Variants in TANC1 observed in about 807,000 individuals in gnomAD.
TANC1 encodes protein TANC1.
Under a neutral mutation model 149.7 loss-of-function variants are expected in TANC1, and 77 were observed. The observed-to-expected ratio is 0.51, with a 90% CI of 0.43 to 0.62. TANC1 has a LOEUF of 0.62. TANC1 is among the 20% of genes least tolerant of loss of function. The pLI, the probability that TANC1 is intolerant of heterozygous loss-of-function variation, is 0.00. For missense variants in TANC1, 1,985 were observed against 2,321.8 expected (o/e 0.85, Z 2.98); for synonymous variants, 854 against 925.0 (o/e 0.92, Z 1.39).
intron 7 of TANC1, among the ~76,000 whole-genome samples, chr2:159,155,296 C>T (rs1232536632): frequency 6.6e-6 from 1 of 152,216 alleles, no homozygotes; most frequent in East Asian, 1.9e-4. Flanking sequence ...AGAAATCCTT[C>T]CTATCCATTA....
Position 159,136,788 on chromosome 2 carries a change from CAAA to C in TANC1, c.364+507_364+509del, listed in dbSNP as rs34488237. 1.3e-3 allele frequency among the ~76,000 whole-genome samples: 153 copies of C among 119,088 alleles called. 1 individual carries two copies. The highest frequency in any genetic ancestry group is 8.1e-3 in the East Asian group (34 of 4,206). The allele number at this position is 119,088 out of a possible 152,430, so 78.1% of individuals were successfully genotyped here. On this transcript the variant is annotated intron_variant, in intron 5 of 26. Transcript: ENST00000263635. ...TCTTTAGGGGATGTTGAAGTAGGAG[CAAA>C]AAAAAAAAAAAAAAAACCAAATTGA...
At chr2:159,152,999 A>C (rs542031675) in intron 7 of TANC1, among the ~76,000 whole-genome samples, 2 of 151,796 alleles carry the variant, frequency 1.3e-5, no homozygotes, top group Non-Finnish European at 2.9e-5. Context: ...CCCCTCTTAC[A>C]TGTTCCCCAT....
intron 1 of TANC1, among the ~76,000 whole-genome samples, chr2:158,995,632 G>A (rs2149300586): frequency 6.6e-6 from 1 of 152,216 alleles, no homozygotes; most frequent in South Asian, 2.1e-4. Context: ...CCAGACAGAG[G>A]GGCAGTCTTA....
intron 1 of TANC1, among the ~76,000 whole-genome samples, chr2:158,975,780 G>A (rs2149186119): frequency 6.6e-6 from 1 of 151,236 alleles, no homozygotes; most frequent in South Asian, 2.1e-4. Flanking sequence ...TAGAACCACT[G>A]TGACTCAGAA....
At chr2:159,030,401 C>A (rs1179278994) in intron 2 of TANC1, among the ~76,000 whole-genome samples, 1 of 152,136 alleles carries the variant, frequency 6.6e-6, no homozygotes, top group Non-Finnish European at 1.5e-5. Flanking sequence ...TTGTCTGGAT[C>A]TTTAAAGTAT....
At chr2:159,013,443 G>A (rs1157017133) in intron 2 of TANC1, among the ~76,000 whole-genome samples, 1 of 152,136 alleles carries the variant, frequency 6.6e-6, no homozygotes, top group Non-Finnish European at 1.5e-5. Flanking sequence ...TGTTGTTATT[G>A]TTGACTGATA....
chr2:159,039,336 T>TA (rs2040448904), intron 2 of TANC1, among the ~76,000 whole-genome samples: 1 of 152,208 alleles, frequency 6.6e-6, no homozygotes, highest in South Asian at 2.1e-4. Context: ...AAGGGTTTTT[T>TA]ATGTCTCTAT....
At chr2:159,124,852 C>T (rs1046343037) in intron 4 of TANC1, among the ~76,000 whole-genome samples, 2 of 141,736 alleles carry the variant, frequency 1.4e-5, no homozygotes, top group African/African-American at 2.6e-5. Context: ...CGCCTCAGCT[C>T]TCCCCACCCC....
chr2:159,096,922 T>C (rs1300856882), intron 3 of TANC1, among the ~76,000 whole-genome samples: 1 of 152,192 alleles, frequency 6.6e-6, no homozygotes, highest in Non-Finnish European at 1.5e-5. Flanking sequence ...CATACTGACA[T>C]ACTGGTTTTT....
intron 1 of TANC1, among the ~76,000 whole-genome samples, chr2:158,989,985 G>A (rs541502773): frequency 6.6e-6 from 1 of 151,046 alleles, no homozygotes; most frequent in African/African-American, 2.4e-5. Context: ...ATACAATCTC[G>A]GTTCACTGCA....
chr2:159,092,523 A>C lies in TANC1; in HGVS notation c.62-5114A>C, dbSNP rs576082605. Among the ~76,000 whole-genome samples the C allele has an allele frequency of 1.2e-4, 18 of 152,334 alleles. 1 individual carries two copies. The highest frequency in any genetic ancestry group is 1.0e-3 in the South Asian group (5 of 4,832). ...ACTGTTATCAAAAGCCATTTCTGCC[A>C]ATTTAAAACGCCTTATTGGATGGCT... On this transcript the variant is annotated intron_variant, in intron 3 of 26. Coordinates refer to ENST00000263635, the MANE Select transcript of TANC1 (RefSeq NM_033394.3).
chr2:159,213,722 A>T (rs879646406), intron 19 of TANC1, among the ~76,000 whole-genome samples: 80 of 152,124 alleles, frequency 5.3e-4, no homozygotes, highest in Admixed American at 3.9e-4. Flanking sequence ...CTGTAGTTCT[A>T]AGAAATTATC....
At chr2:159,136,397 G>A (rs2050752144) in intron 5 of TANC1, 99 bp downstream of exon 5, 2 of 739,820 alleles carry the variant, frequency 2.7e-6, no homozygotes, top group African/African-American at 1.7e-5. Flanking sequence ...GTACTGCTTT[G>A]CTGAGAATGT....
chr2:159,049,249 T>C (rs2041295891), intron 2 of TANC1, among the ~76,000 whole-genome samples: 1 of 152,222 alleles, frequency 6.6e-6, no homozygotes, highest in South Asian at 2.1e-4. Flanking sequence ...GGGGCAGTGC[T>C]GTGTATTTTG....
At chr2:159,038,008 G>A (rs955454046) in intron 2 of TANC1, among the ~76,000 whole-genome samples, 30 of 152,194 alleles carry the variant, frequency 2.0e-4, no homozygotes, top group Non-Finnish European at 3.8e-4. Flanking sequence ...TCTTCCATTT[G>A]TTTGTGTCCT....
intron 2 of TANC1, among the ~76,000 whole-genome samples, chr2:159,059,888 T>TTCTGTG (rs1195029777): frequency 8.7e-6 from 1 of 114,804 alleles, no homozygotes; most frequent in Non-Finnish European, 1.8e-5. Flanking sequence ...GCAGACCTCT[T>TTCTGTG]TGTGTGTGTG....
rs867747509 is a variant in TANC1 at position 159,097,694 on chromosome 2, C to G, written c.119C>G (p.Ser40Cys). The change falls in exon 4 of 27, where the codon TCT becomes TGT. Residue 40 changes from serine (S) to cysteine (C), a missense_variant. By Grantham distance (112) the Ser-to-Cys change is moderately radical. This residue lies in a region of TANC1 where 557 missense variants were observed against 612.9 expected (regional missense o/e 0.91). Coordinates refer to ENST00000263635, the MANE Select transcript of TANC1 (RefSeq NM_033394.3). ...CTGCACCTTGACCACAGTGCTGACT[C>G]TCCTGTGAGCAGTCTTCCCACAGCA... ...PVLHLDHSAD[S>C]PVSSLPTAED... The G allele has an allele frequency of 1.9e-6, 3 of 1,614,206 alleles. No individual in the cohort carries two copies. Among genetic ancestry groups the G allele is most frequent in the Non-Finnish European group, 2.5e-6 (3 of 1,180,028 alleles).
chr2:159,156,513 A>G (rs566675544), intron 7 of TANC1, among the ~76,000 whole-genome samples: 2 of 152,318 alleles, frequency 1.3e-5, no homozygotes, highest in East Asian at 1.9e-4. Flanking sequence ...GACAATAAAG[A>G]TAAGGCACAG....
At chr2:159,176,097 A>G (rs1464724288) in intron 12 of TANC1, among the ~76,000 whole-genome samples, 3 of 152,220 alleles carry the variant, frequency 2.0e-5, no homozygotes, top group South Asian at 2.1e-4. Context: ...TAACTGTGTT[A>G]TATACACGAG....
Sources: allele counts gnomAD v4.1 joint callset (sites outside exome capture counted in the v4.1 genomes callset), GRCh38; gene constraint gnomAD v4.1.1; regional missense constraint gnomAD v4.1.1; transcripts MANE v1.5; gene names NCBI Gene and HGNC (gene_info 2026-07-23, HGNC 2026-07-21).